TEX9: variants seen among roughly 807,000 people sequenced by gnomAD.
TEX9 encodes testis expressed 9.
TEX9 carries 74 observed loss-of-function variants against 59.6 expected under a neutral mutation model. That is an observed-to-expected ratio of 1.24 (90% CI 1.03 to 1.51). TEX9 has a LOEUF of 1.51. Ranked by LOEUF, TEX9 falls within the 40% of genes most tolerant of loss-of-function variation. The pLI is 0.00. For synonymous variants in TEX9, 186 were observed against 152.2 expected (o/e 1.22, Z -1.64); for missense variants, 522 against 447.8 (o/e 1.17, Z -1.49).
chr15:56,297,787 G>A (rs1247149401), intron 1 of TEX9, among the ~76,000 whole-genome samples: 1 of 152,222 alleles, frequency 6.6e-6, no homozygotes, highest in Non-Finnish European at 1.5e-5. Context: ...TAACAGGCGT[G>A]AGCCACCGTG....
Position 56,327,656 on chromosome 15 carries a change from C to G in TEX9, c.-106-45785C>G, listed in dbSNP as rs569547050. ...CCACTCCTCCCCCATGCCATCACAGCAGCCTCGTGGTGCAGAAGGAGAATC... is the reference window on the plus strand; with the variant it reads ...CCACTCCTCCCCCATGCCATCACAGGAGCCTCGTGGTGCAGAAGGAGAATC... On this transcript the variant is annotated intron_variant, in intron 1 of 5. Transcript: ENST00000560827. Among the ~76,000 whole-genome samples the G allele has an allele frequency of 6.9e-4, 105 of 152,330 alleles. No individual in the cohort carries two copies. The South Asian group carries it at 0.021, about 31-fold the overall frequency.
At chr15:56,359,688 A>G (rs1310012918) in intron 1 of TEX9, among the ~76,000 whole-genome samples, 1 of 152,092 alleles carries the variant, frequency 6.6e-6, no homozygotes, top group Non-Finnish European at 1.5e-5. Context: ...CATTCATGTC[A>G]TCTATACACA....
intron 1 of TEX9, among the ~76,000 whole-genome samples, chr15:56,325,750 A>G (rs1268324175): frequency 6.6e-6 from 1 of 152,220 alleles, no homozygotes; most frequent in East Asian, 1.9e-4. Context: ...GCTACAACTG[A>G]GTATATAAAA....
chr15:56,457,862 T>C, the TEX9 span, among the ~76,000 whole-genome samples: 1 of 151,542 alleles, frequency 6.6e-6, no homozygotes, highest in Non-Finnish European at 1.5e-5. Flanking sequence ...TCAACAATTT[T>C]ACCTCTTAAG....
intron 10 of TEX9, among the ~76,000 whole-genome samples, chr15:56,426,585 AG>A: frequency 4.7e-5 from 2 of 42,326 alleles, no homozygotes; most frequent in South Asian, 9.5e-4. Context: ...TTTTTTGAAA[AG>A]GTGTATATAT....
At chr15:56,416,310 T>G (rs1277254537) in intron 10 of TEX9, among the ~76,000 whole-genome samples, 2 of 151,932 alleles carry the variant, frequency 1.3e-5, no homozygotes, top group Admixed American at 1.3e-4. Flanking sequence ...AGGGAATGCT[T>G]CCAGCTTTTG....
At chr15:56,334,150 C>CA (rs1242538803) in intron 1 of TEX9, among the ~76,000 whole-genome samples, 21 of 151,716 alleles carry the variant, frequency 1.4e-4, no homozygotes, top group African/African-American at 3.9e-4. Flanking sequence ...TTCACAGAAA[C>CA]AAAAAAAATC....
At chr15:56,336,949 G>C (rs1203416055) in intron 1 of TEX9, among the ~76,000 whole-genome samples, 2 of 152,238 alleles carry the variant, frequency 1.3e-5, no homozygotes, top group East Asian at 3.9e-4. Context: ...CAGCAGCTAG[G>C]GGTGTAAGTA....
chr15:56,244,647 C>G (rs1267593460), intron 1 of TEX9, among the ~76,000 whole-genome samples: 2 of 150,236 alleles, frequency 1.3e-5, no homozygotes, highest in Admixed American at 1.3e-4. Context: ...CACCCAGGCT[C>G]TAAAGCATAG....
chr15:56,373,032 C>A, intron 2 of TEX9, among the ~76,000 whole-genome samples: 1 of 152,282 alleles, frequency 6.6e-6, no homozygotes, highest in East Asian at 1.9e-4. Context: ...AGGTCTCCCC[C>A]ATACCGTGCC....
exon 9 of TEX9, chr15:56,394,753 A>C: frequency 6.2e-7 from 1 of 1,612,924 alleles, no homozygotes; most frequent in Non-Finnish European, 8.5e-7. Flanking sequence ...AACAGTCTCA[A>C]GTAGAAAAAT....
At chr15:56,272,597 T>C (rs1255178249) in intron 1 of TEX9, among the ~76,000 whole-genome samples, 1 of 152,224 alleles carries the variant, frequency 6.6e-6, no homozygotes, top group East Asian at 1.9e-4. Context: ...TGTGTGAACA[T>C]ATGTTTTTCC....
intron 1 of TEX9, among the ~76,000 whole-genome samples, chr15:56,347,597 A>G (rs2046496425): frequency 6.6e-6 from 1 of 152,102 alleles, no homozygotes; most frequent in African/African-American, 2.4e-5. Flanking sequence ...TAAGTTCCAT[A>G]CCTTTTACAA....
chr15:56,316,859 G>A (rs1047246469), intron 1 of TEX9, among the ~76,000 whole-genome samples: 17 of 152,188 alleles, frequency 1.1e-4, no homozygotes, highest in Admixed American at 8.5e-4. Flanking sequence ...GTGGTGCATC[G>A]TTTTTTAAGC....
At chr15:56,300,197 G>A (rs1312587557) in intron 1 of TEX9, among the ~76,000 whole-genome samples, 1 of 151,842 alleles carries the variant, frequency 6.6e-6, no homozygotes, top group Non-Finnish European at 1.5e-5. Flanking sequence ...AAGAGCCCTT[G>A]GGCCTTGATC....
intron 1 of TEX9, among the ~76,000 whole-genome samples, chr15:56,342,209 G>T (rs192350311): frequency 6.6e-6 from 1 of 151,978 alleles, no homozygotes; most frequent in African/African-American, 2.4e-5. Flanking sequence ...TATGCCAGGC[G>T]CTCTCCTAAT....
upstream of TEX9, among the ~76,000 whole-genome samples, chr15:56,361,350 C>G (rs574613946): frequency 1.1e-4 from 16 of 152,292 alleles, no homozygotes; most frequent in African/African-American, 3.4e-4. Context: ...GCTAAGCACT[C>G]CAAGCACTGC....
chr15:56,447,103 G>A, downstream of TEX9: 1 of 564,822 alleles, frequency 1.8e-6, no homozygotes, highest in African/African-American at 1.9e-5. Flanking sequence ...TTTAATGGAT[G>A]CCTTTAGGGC....
At chr15:56,363,009 T>C (rs2046818165), upstream of TEX9, among the ~76,000 whole-genome samples, 1 of 152,244 alleles carries the variant, frequency 6.6e-6, no homozygotes, top group African/African-American at 2.4e-5. Context: ...ATGACCATTA[T>C]GGGTTTGTTT....
Sources: allele counts gnomAD v4.1 joint callset (sites outside exome capture counted in the v4.1 genomes callset), GRCh38; gene constraint gnomAD v4.1.1; transcripts MANE v1.5; gene names NCBI Gene and HGNC (gene_info 2026-07-23, HGNC 2026-07-21).